The following FBXO34 variants were observed in gnomAD, a reference collection of about 807,000 sequenced individuals.
The protein encoded by FBXO34 is F-box protein 34, also known as F-box only protein 34.
Under a neutral mutation model 24.5 loss-of-function variants are expected in FBXO34, and 12 were observed. That is an observed-to-expected ratio of 0.49 (90% CI 0.31 to 0.79). FBXO34 has a LOEUF of 0.79. FBXO34 is among the 30% of genes least tolerant of loss of function. FBXO34 has a pLI of 0.04. For synonymous variants in FBXO34, 320 were observed against 311.9 expected (o/e 1.03, Z -0.27); for missense variants, 823 against 857.7 (o/e 0.96, Z 0.51).
chr14:55,440,974 G>A, the FBXO34 span, among the ~76,000 whole-genome samples: 1 of 152,060 alleles, frequency 6.6e-6, no homozygotes, highest in Non-Finnish European at 1.5e-5. Flanking sequence ...AGCCTCCCAA[G>A]TAGCTGTGAT....
the FBXO34 span, among the ~76,000 whole-genome samples, chr14:55,384,955 G>C: frequency 6.6e-6 from 1 of 152,226 alleles, no homozygotes; most frequent in Non-Finnish European, 1.5e-5. Flanking sequence ...TTTCTCAGAT[G>C]AACAGCCAGA....
At chr14:55,414,348 C>T in the FBXO34 span, 2 of 1,528,210 alleles carry the variant, frequency 1.3e-6, no homozygotes, top group Admixed American at 1.9e-5. Context: ...CATATTCAAA[C>T]CAGAATAATG....
At chr14:55,347,821 G>A (rs908770556) in intron 1 of FBXO34, among the ~76,000 whole-genome samples, 1 of 152,200 alleles carries the variant, frequency 6.6e-6, no homozygotes, top group Non-Finnish European at 1.5e-5. Context: ...AGAACATATT[G>A]TGCAATGCAC....
At chr14:55,438,049 T>C in the FBXO34 span, among the ~76,000 whole-genome samples, 1 of 152,058 alleles carries the variant, frequency 6.6e-6, no homozygotes, top group Non-Finnish European at 1.5e-5. Flanking sequence ...TGGGAAAAAA[T>C]CGATTAGCTT....
intron 1 of FBXO34, among the ~76,000 whole-genome samples, chr14:55,328,838 A>G (rs1883439418): frequency 6.6e-6 from 1 of 152,174 alleles, no homozygotes; most frequent in Non-Finnish European, 1.5e-5. Flanking sequence ...GGAAAACAGT[A>G]TGATAGGGTG....
chr14:55,382,886 T>C, the FBXO34 span, among the ~76,000 whole-genome samples: 2 of 152,192 alleles, frequency 1.3e-5, no homozygotes, highest in African/African-American at 4.8e-5. Context: ...TTAGAAATAC[T>C]GAGAAAAATA....
chr14:55,273,753 G>A (rs1013671277), intron 1 of FBXO34, among the ~76,000 whole-genome samples: 7 of 152,156 alleles, frequency 4.6e-5, no homozygotes, highest in African/African-American at 9.7e-5. Flanking sequence ...TTTCCCGAGC[G>A]GTAGCGATTC....
At chr14:55,309,195 C>T (rs1462218307) in intron 1 of FBXO34, among the ~76,000 whole-genome samples, 3 of 152,148 alleles carry the variant, frequency 2.0e-5, no homozygotes, top group Non-Finnish European at 2.9e-5. Flanking sequence ...AGTCTTTACA[C>T]ACTTCCAGAA....
chr14:55,299,522 A>G (rs1394403446), intron 1 of FBXO34, among the ~76,000 whole-genome samples: 1 of 152,124 alleles, frequency 6.6e-6, no homozygotes, highest in Non-Finnish European at 1.5e-5. Flanking sequence ...TAGATATGTC[A>G]TATTGGCCCT....
the FBXO34 span, among the ~76,000 whole-genome samples, chr14:55,437,391 T>A: frequency 1.3e-5 from 2 of 152,208 alleles, no homozygotes; most frequent in African/African-American, 4.8e-5. Flanking sequence ...GGCATGAGAA[T>A]CTCTTGAACC....
the FBXO34 span, among the ~76,000 whole-genome samples, chr14:55,403,221 G>A: frequency 2.0e-5 from 3 of 151,870 alleles, no homozygotes; most frequent in Non-Finnish European, 2.9e-5. Context: ...AAATGTGAAA[G>A]CAGTGGGTAC....
chr14:55,423,326 C>T, the FBXO34 span, among the ~76,000 whole-genome samples: 1 of 152,150 alleles, frequency 6.6e-6, no homozygotes. Context: ...GTCATATATC[C>T]CTTTAAAACA....
At chr14:55,390,800 T>G in the FBXO34 span, 1 of 707,580 alleles carries the variant, frequency 1.4e-6, no homozygotes, top group South Asian at 1.8e-5. Context: ...ATTCTCCAAG[T>G]TGCCACTGCC....
In FBXO34 at chr14:55,336,046, T is replaced by C. The variant is rs147071482; in HGVS notation, c.-10-14335T>C. ...TTATTTAAATGTTTATATATATATG[T>C]CTTTAAAGTATGAAAGTTAAGTGCA... On this transcript the variant is annotated intron_variant, in intron 1 of 1. Transcript: ENST00000313833. Among the ~76,000 whole-genome samples, 487 of 152,344 alleles carry C rather than the reference T, an allele frequency of 3.2e-3. 1 individual carries two copies. The highest frequency in any genetic ancestry group is 5.7e-3 in the Non-Finnish European group (388 of 68,036).
intron 3 of FBXO34, among the ~76,000 whole-genome samples, chr14:55,361,028 T>C (rs1273147266): frequency 6.6e-6 from 1 of 152,136 alleles, no homozygotes; most frequent in Non-Finnish European, 1.5e-5. Context: ...TTGATATTTT[T>C]CCTCTTTCCA....
intron 1 of FBXO34, among the ~76,000 whole-genome samples, chr14:55,322,070 C>T (rs910411371): frequency 4.6e-5 from 7 of 152,268 alleles, no homozygotes; most frequent in Admixed American, 2.6e-4. Flanking sequence ...CGCCTGTAAT[C>T]CCAGCACTTT....
chr14:55,369,647 CAGG>C (rs1884766480), downstream of FBXO34: 1 of 1,540,602 alleles, frequency 6.5e-7, no homozygotes, highest in Admixed American at 2.0e-5. Flanking sequence ...AGCTTTAAAC[CAGG>C]AGGTCACCGA....
rs72715759 is a variant in FBXO34, at chr14:55,284,599, G to A, written c.-11+13062G>A. 1.8e-3 allele frequency among the ~76,000 whole-genome samples: 251 copies of A among 140,408 alleles called. 16 individuals are homozygous for A. Among genetic ancestry groups the A allele is most frequent in the Non-Finnish European group, 3.3e-3 (209 of 64,092 alleles). 92.1% of individuals were successfully genotyped at this position (140,408 alleles called of 152,430 possible). A position where few individuals can be genotyped will look rare whatever the true frequency, so the allele number is the denominator to read the frequency against. On this transcript the variant is annotated intron_variant, in intron 1 of 1. Coordinates refer to ENST00000313833, the MANE Select transcript of FBXO34 (RefSeq NM_017943.4). ...CCTAGCCTCTGGATTTTGAGTGTTT[G>A]TGGTTACCTAAAATTTTGTTACTTT... is the stretch of plus-strand genomic sequence containing the variant.
intron 1 of FBXO34, among the ~76,000 whole-genome samples, chr14:55,279,330 T>A (rs1881453844): frequency 6.6e-6 from 1 of 151,394 alleles, no homozygotes; most frequent in African/African-American, 2.4e-5. Context: ...GGTCTAATAA[T>A]TTCCAAGTGG....
Sources: gnomAD v4.1 joint callset for allele counts (sites outside exome capture counted in the v4.1 genomes callset) on GRCh38, gnomAD v4.1.1 for gene constraint, MANE v1.5 for transcripts, NCBI Gene and HGNC (gene_info 2026-07-23, HGNC 2026-07-21) for gene names.